CAMK4: variants seen among roughly 807,000 people sequenced by gnomAD.
CAMK4 encodes calcium/calmodulin-dependent protein kinase type IV.
CAMK4 carries 22 observed loss-of-function variants against 44.9 expected under a neutral mutation model. That is an observed-to-expected ratio of 0.49 (90% CI 0.35 to 0.70). The LOEUF is 0.70. Ranked by LOEUF, CAMK4 falls within the 30% of genes least tolerant of loss-of-function variation. CAMK4 has a pLI of 0.01. For missense variants in CAMK4, 498 were observed against 586.8 expected (o/e 0.85, Z 1.56); for synonymous variants, 218 against 215.4 (o/e 1.01, Z -0.11).
chr5:111,278,406 G>C (rs113986147), intron 1 of CAMK4, among the ~76,000 whole-genome samples: 2,435 of 152,208 alleles, frequency 0.016, 74 homozygotes, highest in African/African-American at 0.056. Flanking sequence ...AGCTTAAATA[G>C]TTCAAAATAA....
chr5:111,303,278 C>G (rs931143879), intron 1 of CAMK4, among the ~76,000 whole-genome samples: 1 of 135,084 alleles, frequency 7.4e-6, no homozygotes, highest in African/African-American at 3.0e-5. Flanking sequence ...AAGAAGGCTT[C>G]AGACGATCAG....
At chr5:111,267,461 A>G (rs1371359504) in intron 1 of CAMK4, among the ~76,000 whole-genome samples, 1 of 152,174 alleles carries the variant, frequency 6.6e-6, no homozygotes, top group Admixed American at 6.5e-5. Context: ...TCACGCCTGT[A>G]ATCCCAGCAC....
At chr5:111,296,643 G>C (rs566972437) in intron 1 of CAMK4, among the ~76,000 whole-genome samples, 1 of 152,094 alleles carries the variant, frequency 6.6e-6, no homozygotes, top group Non-Finnish European at 1.5e-5. Context: ...CAAATAACCC[G>C]TGGCTTGAAA....
chr5:111,280,515 G>A (rs561636315), intron 1 of CAMK4, among the ~76,000 whole-genome samples: 48 of 152,186 alleles, frequency 3.2e-4, no homozygotes, highest in African/African-American at 1.1e-3. Flanking sequence ...GCCTTAATAC[G>A]ATTAAAATAT....
intron 4 of CAMK4, among the ~76,000 whole-genome samples, chr5:111,377,767 G>A (rs189785858): frequency 1.3e-4 from 20 of 152,182 alleles, no homozygotes; most frequent in African/African-American, 3.6e-4. Context: ...GAAGCCATGC[G>A]TGAATGGAAA....
intron 8 of CAMK4, among the ~76,000 whole-genome samples, chr5:111,476,744 A>C (rs878930650): frequency 4.6e-5 from 7 of 152,106 alleles, no homozygotes; most frequent in African/African-American, 1.4e-4. Context: ...CTACAGACAA[A>C]AGCTGCAGGA....
chr5:111,432,736 A>G (rs1050212917), intron 5 of CAMK4, among the ~76,000 whole-genome samples: 5 of 151,028 alleles, frequency 3.3e-5, no homozygotes, highest in African/African-American at 7.3e-5. Context: ...TAGACTTCAG[A>G]GCAAATTCTA....
chr5:111,356,600 T>A (rs1580644102), intron 2 of CAMK4, among the ~76,000 whole-genome samples: 4 of 152,318 alleles, frequency 2.6e-5, no homozygotes, highest in Non-Finnish European at 4.4e-5. Context: ...CTGAATGGTA[T>A]TGCCTAGGTT....
intron 3 of CAMK4, 92 bp downstream of exon 3, chr5:111,375,004 G>GT: frequency 3.6e-6 from 3 of 823,288 alleles, no homozygotes; most frequent in Non-Finnish European, 6.2e-6. Flanking sequence ...AATGAGAAGG[G>GT]ATTCTCCCAC....
intron 1 of CAMK4, among the ~76,000 whole-genome samples, chr5:111,314,633 T>C (rs1032760110): frequency 6.9e-4 from 105 of 152,208 alleles, no homozygotes; most frequent in African/African-American, 2.2e-3. Context: ...AATTAATTAG[T>C]TCCCACCAAT....
At chr5:111,232,880 C>CA (rs1015769509) in intron 1 of CAMK4, among the ~76,000 whole-genome samples, 5 of 151,746 alleles carry the variant, frequency 3.3e-5, no homozygotes, top group African/African-American at 1.2e-4. Context: ...TAAAAAGAGA[C>CA]AGTAAGTATT....
rs1755486811 is a variant in CAMK4, at chr5:111,482,994, C to T, written c.981+57C>T. ...TTTGTTTTCAAAAAATTTATCTCAT[C>T]TTGATCTATCAATAATAGTTCTACC... is the stretch of plus-strand genomic sequence containing the variant. On this transcript the variant is annotated intron_variant, in intron 10 of 10. Transcript: ENST00000282356. The surrounding 1 kb of genome is among the most constrained non-coding windows in gnomAD (Gnocchi z 4.9). 7.1e-7 allele frequency: 1 copy of T among 1,406,598 alleles called. No homozygotes were observed. The highest frequency in any genetic ancestry group is 1.5e-5 in the African/African-American group (1 of 68,552). The allele number at this position is 1,406,598 out of a possible 1,614,324, so 87.1% of individuals were successfully genotyped here.
chr5:111,288,133 G>A (rs1039646615), intron 1 of CAMK4, among the ~76,000 whole-genome samples: 2 of 152,132 alleles, frequency 1.3e-5, no homozygotes, highest in African/African-American at 4.8e-5. Context: ...TTCATGTTTT[G>A]AGCATGGTTC....
At position 111,279,601 on chromosome 5, in the gene CAMK4, C is replaced by A. The variant is rs184746030; in HGVS notation, c.161+54957C>A. Among the ~76,000 whole-genome samples, 4 of 152,274 alleles carry A rather than the reference C, an allele frequency of 2.6e-5. No homozygotes were observed. The East Asian group carries it at 7.7e-4, about 29-fold the overall frequency. The stretch of plus-strand genomic sequence containing the variant: ...TCAGGGTACAGTTAATTCAGCAAAT[C>A]CTAACTCCTATTGCTAATTTATTTC... On this transcript the variant is annotated intron_variant, in intron 1 of 10. Transcript: ENST00000282356.
chr5:111,246,030 C>T (rs1289073588), intron 1 of CAMK4, among the ~76,000 whole-genome samples: 2 of 152,170 alleles, frequency 1.3e-5, no homozygotes, highest in Non-Finnish European at 2.9e-5. Context: ...CATAGATCTT[C>T]CTGTGACTAG....
intron 8 of CAMK4, among the ~76,000 whole-genome samples, chr5:111,476,273 G>GTT (rs1342287479): frequency 4.1e-5 from 6 of 147,578 alleles, no homozygotes; most frequent in African/African-American, 1.3e-4. Context: ...GTGTGTGTTT[G>GTT]TGTGTGTGTG....
rs1755774295 is a variant in CAMK4, at chr5:111,490,351, G to A, written c.*5885G>A. ...AGGCTGGGCGTGATAGTTCATGCCT[G>A]TAATCCCAACACTTTGGGAGGCCGA... On this transcript the variant is annotated 3_prime_UTR_variant, in exon 11 of 11. Transcript: ENST00000282356. 1 of 152,222 alleles carries A rather than the reference G, an allele frequency of 6.6e-6. No individual in the cohort carries two copies. Among genetic ancestry groups the A allele is most frequent in the African/African-American group, 2.4e-5 (1 of 41,440 alleles). 9.4% of individuals were successfully genotyped at this position (152,222 alleles called of 1,614,324 possible).
intron 1 of CAMK4, among the ~76,000 whole-genome samples, chr5:111,320,320 A>C (rs190647145): frequency 2.0e-5 from 3 of 152,238 alleles, no homozygotes; most frequent in Non-Finnish European, 2.9e-5. Context: ...TTCTAGAAAG[A>C]TTGTTCCAGT....
chr5:111,261,107 A>G (rs1561369255), intron 1 of CAMK4, among the ~76,000 whole-genome samples: 1 of 152,138 alleles, frequency 6.6e-6, no homozygotes, highest in Non-Finnish European at 1.5e-5. Context: ...TTGTCCAACC[A>G]CTTTATCCTT....
Sources: gnomAD v4.1 joint callset for allele counts (sites outside exome capture counted in the v4.1 genomes callset) on GRCh38, gnomAD v4.1.1 for gene constraint, Gnocchi (gnomAD v3.1) non-coding constraint, MANE v1.5 for transcripts, NCBI Gene and HGNC (gene_info 2026-07-23, HGNC 2026-07-21) for gene names.